SLC30A7: variants seen among roughly 807,000 people sequenced by gnomAD.
SLC30A7 encodes solute carrier family 30 member 7.
Under a neutral mutation model 46.0 loss-of-function variants are expected in SLC30A7, and 35 were observed. The ratio of observed to expected loss-of-function variants is 0.76; its 90% confidence interval spans 0.58 to 1.01. The LOEUF (loss-of-function observed/expected upper bound fraction) is 1.01. SLC30A7 is among the 50% of genes least tolerant of loss of function. The pLI is 0.00. For synonymous variants in SLC30A7, 147 were observed against 157.8 expected (o/e 0.93, Z 0.51); for missense variants, 464 against 451.1 (o/e 1.03, Z -0.26).
At chr1:100,961,544 C>G (rs982617511) in intron 8 of SLC30A7, among the ~76,000 whole-genome samples, 4 of 152,184 alleles carry the variant, frequency 2.6e-5, no homozygotes, top group African/African-American at 9.7e-5. Flanking sequence ...CATATTTTAA[C>G]TAACAGTTGA....
Position 100,959,358 on chromosome 1 carries a change from A to G in SLC30A7, c.843-2470A>G, listed in dbSNP as rs377399303. ...CCAAAAACCTAGTAGCTAAAATAAT[A>G]CACATTATTATCTTATACGTTCTGT... On this transcript the variant is annotated intron_variant, in intron 8 of 10. Transcript: ENST00000357650. Among the ~76,000 whole-genome samples, 7 of 152,336 alleles carry G rather than the reference A, an allele frequency of 4.6e-5. No homozygotes were observed. In the East Asian group the frequency reaches 1.2e-3, roughly 25 times the overall value.
intron 6 of SLC30A7, among the ~76,000 whole-genome samples, chr1:100,914,831 A>G (rs993476482): frequency 6.6e-6 from 1 of 152,064 alleles, no homozygotes; most frequent in African/African-American, 2.4e-5. Context: ...AAATTTTTCC[A>G]TGAGGCAAGA....
At chr1:100,924,720 A>G (rs1164014966) in intron 8 of SLC30A7, among the ~76,000 whole-genome samples, 1 of 151,932 alleles carries the variant, frequency 6.6e-6, no homozygotes, top group Non-Finnish European at 1.5e-5. Flanking sequence ...AATCAAAATA[A>G]ATTTGTGGGT....
the SLC30A7 span, chr1:100,995,703 G>T: frequency 1.3e-5 from 2 of 152,874 alleles, no homozygotes; most frequent in African/African-American, 4.8e-5. Flanking sequence ...GACCTGACCA[G>T]ATATAAACTC....
chr1:100,949,895 C>G (rs549739385), intron 8 of SLC30A7, among the ~76,000 whole-genome samples: 3 of 152,248 alleles, frequency 2.0e-5, no homozygotes, highest in South Asian at 4.1e-4. Flanking sequence ...TGGGAGTGTC[C>G]CCTTTTCCCA....
intron 3 of SLC30A7, among the ~76,000 whole-genome samples, chr1:100,909,475 A>T (rs1157631490): frequency 6.6e-6 from 1 of 152,022 alleles, no homozygotes; most frequent in African/African-American, 2.4e-5. Context: ...AATCTTTTCT[A>T]TTTTTCTTCC....
In SLC30A7 at chr1:100,921,787, T is replaced by A. The variant is rs1473657917; in HGVS notation, c.788T>A (p.Leu263Gln). 4.3e-6 allele frequency: 7 copies of A among 1,613,316 alleles called. No homozygotes were observed. Among genetic ancestry groups the A allele is most frequent in the Admixed American group, 1.7e-5 (1 of 60,008 alleles). ...ASAIMMQNFGLMIADPICSIL... is the reference protein window; with the variant it reads ...ASAIMMQNFGQMIADPICSIL... ...GCCATCATGATGCAAAATTTTGGTC[T>A]GATGATAGCAGATCCTATCTGTTCA... Residue 263 changes from leucine to glutamine, a missense_variant, in exon 8 of 11, where the codon CTG (leucine) becomes CAG (glutamine). Leu to Gln is a moderately radical substitution (Grantham distance 113). Transcript: ENST00000357650.
intron 8 of SLC30A7, among the ~76,000 whole-genome samples, chr1:100,933,779 G>A (rs995466333): frequency 6.6e-6 from 1 of 152,150 alleles, no homozygotes; most frequent in Non-Finnish European, 1.5e-5. Flanking sequence ...GTATTCCATG[G>A]TGTATATGTA....
intron 6 of SLC30A7, among the ~76,000 whole-genome samples, chr1:100,916,242 A>G (rs777789351): frequency 6.6e-5 from 10 of 151,866 alleles, no homozygotes; most frequent in Non-Finnish European, 1.5e-4. Context: ...GCTGGAGTTC[A>G]GTGGTGCGAT....
downstream of SLC30A7, among the ~76,000 whole-genome samples, chr1:100,982,855 A>G (rs1331277455): frequency 2.0e-5 from 3 of 152,042 alleles, no homozygotes; most frequent in Admixed American, 1.3e-4. Flanking sequence ...GAGACTCCCT[A>G]CCTATCCTGT....
chr1:100,926,147 C>A (rs569249581), intron 8 of SLC30A7, among the ~76,000 whole-genome samples: 53 of 152,304 alleles, frequency 3.5e-4, no homozygotes, highest in African/African-American at 1.1e-3. Flanking sequence ...CTGTAACTTA[C>A]ATAGATACAT....
At chr1:100,944,924 A>G (rs561084673) in intron 8 of SLC30A7, among the ~76,000 whole-genome samples, 23 of 152,144 alleles carry the variant, frequency 1.5e-4, no homozygotes, top group East Asian at 1.2e-3. Context: ...AAGCGTTCCT[A>G]TTTCTCCACA....
intron 8 of SLC30A7, among the ~76,000 whole-genome samples, chr1:100,944,936 C>A (rs1235732450): frequency 1.3e-5 from 2 of 152,142 alleles, no homozygotes; most frequent in Admixed American, 1.3e-4. Flanking sequence ...TTCTCCACAA[C>A]CTCTCCAACA....
rs774408048 is a variant in SLC30A7 at position 100,965,881 on chromosome 1, G to A, written c.1046G>A (p.Arg349Lys). The part of the protein sequence containing the change: ...KLIVAPDADA[R>K]WILSQTHNIF... ...ATAGTAGCACCTGATGCTGATGCTA[G>A]GTGGATTTTAAGCCAAACACATAAT... The change falls in exon 10 of 11, where the codon AGG (arginine) becomes AAG (lysine). Residue 349 changes from arginine (R) to lysine (K), a missense_variant. Arg to Lys is a conservative substitution (Grantham distance 26). Transcript: ENST00000357650. The A allele has an allele frequency of 2.5e-5, 41 of 1,613,614 alleles. No homozygotes were observed. Among genetic ancestry groups the A allele is most frequent in the Non-Finnish European group, 3.3e-5 (39 of 1,179,868 alleles).
At chr1:100,916,279 C>T (rs1048071670) in intron 6 of SLC30A7, among the ~76,000 whole-genome samples, 6 of 152,000 alleles carry the variant, frequency 3.9e-5, no homozygotes, top group African/African-American at 4.8e-5. Flanking sequence ...CTCTGCCTCC[C>T]GGGTTCAAGT....
intron 8 of SLC30A7, among the ~76,000 whole-genome samples, chr1:100,928,199 C>T (rs974882295): frequency 3.9e-5 from 6 of 152,098 alleles, no homozygotes; most frequent in Admixed American, 2.6e-4. Context: ...TCTAATGGCA[C>T]GGGCCTTAAG....
At chr1:100,948,907 C>T (rs553762328) in intron 8 of SLC30A7, among the ~76,000 whole-genome samples, 1 of 152,278 alleles carries the variant, frequency 6.6e-6, no homozygotes, top group African/African-American at 2.4e-5. Context: ...AAGGTCTTCT[C>T]TACACTGTTT....
chr1:100,958,570 G>T (rs963111179), intron 8 of SLC30A7, among the ~76,000 whole-genome samples: 1 of 152,100 alleles, frequency 6.6e-6, no homozygotes, highest in African/African-American at 2.4e-5. Context: ...CCTTTTTCCA[G>T]ATGTTTTACT....
intron 8 of SLC30A7, among the ~76,000 whole-genome samples, chr1:100,938,637 G>A (rs2101053998): frequency 6.6e-6 from 1 of 152,320 alleles, no homozygotes; most frequent in East Asian, 1.9e-4. Flanking sequence ...GTTGGTTGGG[G>A]CCATAGTTTC....
Sources: gnomAD v4.1 joint callset for allele counts (sites outside exome capture counted in the v4.1 genomes callset) on GRCh38, gnomAD v4.1.1 for gene constraint, MANE v1.5 for transcripts, NCBI Gene and HGNC (gene_info 2026-07-23, HGNC 2026-07-21) for gene names.